Variants in PLXNA4 observed in about 807,000 individuals in gnomAD.
PLXNA4 encodes plexin A4, also known as plexin-A4.
A neutral mutation model predicts 191.8 loss-of-function variants in PLXNA4; 44 were observed. That is an observed-to-expected ratio of 0.23 (90% CI 0.18 to 0.29). The LOEUF is 0.29. Ranked by LOEUF, PLXNA4 falls within the 10% of genes least tolerant of loss-of-function variation. The pLI is 1.00. For missense variants in PLXNA4, 1,800 were observed against 2,488.8 expected, an observed-to-expected ratio of 0.72 and a Z score of 5.89; for synonymous variants, 1,082 against 1,009.5, an observed-to-expected ratio of 1.07 and a Z score of -1.36.
At chr7:132,342,582 A>G (rs1050432621) in intron 3 of PLXNA4, among the ~76,000 whole-genome samples, 1 of 152,138 alleles carries the variant, frequency 6.6e-6, no homozygotes, top group African/African-American at 2.4e-5. Flanking sequence ...TCCTCTGACC[A>G]CTGCAAGCTG....
chr7:132,452,197 CT>C (rs899052452), intron 3 of PLXNA4, among the ~76,000 whole-genome samples: 3 of 152,198 alleles, frequency 2.0e-5, no homozygotes, highest in Admixed American at 6.5e-5. Flanking sequence ...AATCAAAAAC[CT>C]TTATCTGTCA....
At chr7:132,178,030 G>A (rs1796534875) in intron 20 of PLXNA4, among the ~76,000 whole-genome samples, 1 of 152,298 alleles carries the variant, frequency 6.6e-6, no homozygotes, top group South Asian at 2.1e-4. Flanking sequence ...ATGATATCCT[G>A]GGGGTTACAA....
intron 1 of PLXNA4, among the ~76,000 whole-genome samples, chr7:132,558,125 C>G (rs971850109): frequency 4.6e-5 from 7 of 152,182 alleles, no homozygotes; most frequent in African/African-American, 7.2e-5. Context: ...CAGAAAGTCT[C>G]TACGTGTACT....
chr7:132,322,568 A>G (rs1414070399), intron 3 of PLXNA4, among the ~76,000 whole-genome samples: 1 of 152,166 alleles, frequency 6.6e-6, no homozygotes, highest in African/African-American at 2.4e-5. Flanking sequence ...CCCACACAGC[A>G]AGAAGGTAGC....
At chr7:132,185,607 C>G (rs1037854134) in intron 15 of PLXNA4, 144 bp from the exon 16 acceptor site, 1 of 1,278,532 alleles carries the variant, frequency 7.8e-7, no homozygotes, top group East Asian at 2.7e-5. Flanking sequence ...ACTGGAGAGC[C>G]AGTGACAAAG....
chr7:132,534,387 T>C (rs1334340584), intron 1 of PLXNA4, among the ~76,000 whole-genome samples: 1 of 151,968 alleles, frequency 6.6e-6, no homozygotes, highest in Non-Finnish European at 1.5e-5. Flanking sequence ...AGCAGCAACT[T>C]CCAAGTGAGA....
chr7:132,555,191 G>A (rs1347680730), intron 1 of PLXNA4, among the ~76,000 whole-genome samples: 6 of 152,140 alleles, frequency 3.9e-5, no homozygotes, highest in East Asian at 3.9e-4. Context: ...ATATATAAAC[G>A]TGGCTGTTAA....
At chr7:132,521,546 G>A (rs1287357662) in intron 1 of PLXNA4, among the ~76,000 whole-genome samples, 2 of 152,114 alleles carry the variant, frequency 1.3e-5, no homozygotes, top group Non-Finnish European at 2.9e-5. Context: ...AAGAAGATGT[G>A]CAGTTTCTGG....
intron 9 of PLXNA4, 119 bp from the exon 10 acceptor site, chr7:132,211,262 A>G: frequency 9.4e-7 from 1 of 1,062,824 alleles, no homozygotes. Flanking sequence ...CCCACAGGCG[A>G]CCCCTGAGGT....
intron 4 of PLXNA4, among the ~76,000 whole-genome samples, chr7:132,289,914 C>A (rs1800824069): frequency 6.6e-6 from 1 of 151,904 alleles, no homozygotes; most frequent in South Asian, 2.1e-4. Context: ...ATGAATGAAT[C>A]AGGCCTGAGT....
In PLXNA4 at chr7:132,508,308, G is replaced by C; in HGVS notation, c.386C>G (p.Ala129Gly). The change falls in exon 2 of 32, where the codon GCC (alanine) becomes GGC (glycine). Residue 129 changes from alanine (A) to glycine (G), a missense_variant. This residue lies in a region of PLXNA4 where 1,397 missense variants were observed against 1,880.4 expected (regional missense o/e 0.74). Transcript: ENST00000321063. The surrounding 1 kb of genome is among the most constrained non-coding windows in gnomAD (Gnocchi z 4.4). ...LIDYKENRLI[A>G]CGSLYQGICK... ...GATGCCTTGGTACAGGCTCCCACAG[G>C]CAATCAGCCTGTTCTCCTTGTAGTC... The C allele has an allele frequency of 6.2e-7, 1 of 1,614,204 alleles. No homozygotes were observed. Among genetic ancestry groups the C allele is most frequent in the Non-Finnish European group, 8.5e-7 (1 of 1,180,050 alleles).
chr7:132,318,618 G>C (rs928036846), intron 3 of PLXNA4, among the ~76,000 whole-genome samples: 3 of 149,620 alleles, frequency 2.0e-5, no homozygotes, highest in Non-Finnish European at 3.0e-5. Context: ...AAGGAGGGAA[G>C]AGGAAGTCTT....
chr7:132,555,141 G>T (rs4731881), intron 1 of PLXNA4, among the ~76,000 whole-genome samples: 1 of 151,880 alleles, frequency 6.6e-6, no homozygotes, highest in South Asian at 2.1e-4. Context: ...TAAAAATAAC[G>T]TATGTTTACA....
intron 2 of PLXNA4, among the ~76,000 whole-genome samples, chr7:132,491,308 C>T (rs1364359213): frequency 2.0e-5 from 3 of 152,238 alleles, no homozygotes; most frequent in Admixed American, 1.3e-4. Flanking sequence ...GAACAGCAGG[C>T]AGGCTCTTGC....
At chr7:132,512,470 T>C (rs1275173245) in intron 1 of PLXNA4, among the ~76,000 whole-genome samples, 1 of 152,166 alleles carries the variant, frequency 6.6e-6, no homozygotes, top group Non-Finnish European at 1.5e-5. Context: ...ATGGTGAGAT[T>C]ACTACACCCA....
intron 3 of PLXNA4, among the ~76,000 whole-genome samples, chr7:132,433,162 T>C (rs1032678073): frequency 6.6e-6 from 1 of 152,216 alleles, no homozygotes; most frequent in Non-Finnish European, 1.5e-5. Context: ...TCTATAAATG[T>C]TCCTTTACTA....
At chr7:132,536,334 C>T (rs1799830718) in intron 1 of PLXNA4, among the ~76,000 whole-genome samples, 1 of 152,178 alleles carries the variant, frequency 6.6e-6, no homozygotes, top group Non-Finnish European at 1.5e-5. Flanking sequence ...TTATCCTAGT[C>T]TTGATCCTTG....
chr7:132,223,743 G>C (rs1229775209), intron 8 of PLXNA4, 102 bp from the exon 9 acceptor site: 1 of 868,560 alleles, frequency 1.2e-6, no homozygotes, highest in Non-Finnish European at 1.9e-6. Context: ...AGTATTAAGA[G>C]AAACCACCGT....
intron 31 of PLXNA4, among the ~76,000 whole-genome samples, chr7:132,132,228 G>A (rs997175366): frequency 6.6e-6 from 1 of 152,190 alleles, no homozygotes; most frequent in Non-Finnish European, 1.5e-5. Context: ...TGTCTGAGGG[G>A]CCTCTCTCTC....
Sources: allele counts gnomAD v4.1 joint callset (sites outside exome capture counted in the v4.1 genomes callset), GRCh38; gene constraint gnomAD v4.1.1; regional missense constraint gnomAD v4.1.1; non-coding constraint Gnocchi (gnomAD v3.1); transcripts MANE v1.5; gene names NCBI Gene and HGNC (gene_info 2026-07-23, HGNC 2026-07-21).